Variants in PCNX2 observed in about 807,000 individuals in gnomAD.
The protein encoded by PCNX2 is pecanex 2, also known as pecanex-like protein 2.
PCNX2 carries 168 observed loss-of-function variants against 223.8 expected under a neutral mutation model. That is an observed-to-expected ratio of 0.75 (90% CI 0.66 to 0.85). PCNX2 has a LOEUF of 0.85. Among genes scored for constraint, PCNX2 ranks in the 40% least tolerant of loss-of-function variants. The pLI, the probability that PCNX2 is intolerant of heterozygous loss-of-function variation, is 0.00. For synonymous variants in PCNX2, 1,006 were observed against 1,052.6 expected (o/e 0.96, Z 0.86); for missense variants, 2,507 against 2,675.5 (o/e 0.94, Z 1.39).
chr1:233,119,760 A>G (rs1675658222), intron 21 of PCNX2, among the ~76,000 whole-genome samples: 1 of 152,140 alleles, frequency 6.6e-6, no homozygotes, highest in South Asian at 2.1e-4. Context: ...ATTAGACTTC[A>G]CTAAAATTAA....
chr1:233,263,515 G>A (rs1660171460), intron 1 of PCNX2, among the ~76,000 whole-genome samples: 2 of 149,834 alleles, frequency 1.3e-5, no homozygotes, highest in Admixed American at 1.3e-4. Flanking sequence ...GAGTGCAGTG[G>A]CAAGATCTCG....
chr1:233,198,550 C>T (rs1680870211), intron 15 of PCNX2, among the ~76,000 whole-genome samples: 1 of 152,210 alleles, frequency 6.6e-6, no homozygotes, highest in Non-Finnish European at 1.5e-5. Flanking sequence ...GTCATATCCT[C>T]TTCTGTCCTC....
chr1:233,263,119 T>C lies in PCNX2; in HGVS notation c.198A>G (p.Ala66=). 1.2e-6 allele frequency: 2 copies of C among 1,612,868 alleles called. No individual in the cohort carries two copies. Among genetic ancestry groups the C allele is most frequent in the Non-Finnish European group, 1.7e-6 (2 of 1,179,246 alleles). ...NAIIVFFYCS[A]VTIFFTIIKL... is the part of the protein sequence containing the mutation. ...TGATTATTGTGAAGAATATAGTCACTGCACTGCAGTAGAAAAATACAATGA... is the reference window on the plus strand; with the variant it reads ...TGATTATTGTGAAGAATATAGTCACCGCACTGCAGTAGAAAAATACAATGA... Residue 66 remains alanine, a synonymous_variant, in exon 2 of 34, where the codon GCA becomes GCG. Coordinates refer to ENST00000258229, the MANE Select transcript of PCNX2 (RefSeq NM_014801.4).
At chr1:233,213,972 G>T (rs1367455711) in intron 12 of PCNX2, among the ~76,000 whole-genome samples, 1 of 151,746 alleles carries the variant, frequency 6.6e-6, no homozygotes, top group Non-Finnish European at 1.5e-5. Flanking sequence ...GGGATTACAG[G>T]TGCCTGCCAC....
At chr1:233,032,741 T>A (rs976327786) in intron 25 of PCNX2, among the ~76,000 whole-genome samples, 1 of 152,134 alleles carries the variant, frequency 6.6e-6, no homozygotes, top group African/African-American at 2.4e-5. Context: ...CAGTAGACTA[T>A]GAGGAACACA....
chr1:233,059,228 T>G (rs552494143), intron 23 of PCNX2, among the ~76,000 whole-genome samples: 1 of 152,350 alleles, frequency 6.6e-6, no homozygotes, highest in South Asian at 2.1e-4. Flanking sequence ...TTGAGATTCC[T>G]TTGTCATGTT....
In PCNX2 at chr1:233,222,090, G is replaced by A. The variant is rs140159052; in HGVS notation, c.2505-3906C>T. On this transcript the variant is annotated intron_variant, in intron 10 of 33. Transcript: ENST00000258229. ...GAAAAAAGAATAGAACCAGGCGAGA[G>A]AAAAGGTGAGGGAGTTGGCACTGCA... Among the ~76,000 whole-genome samples, 22 of 152,294 alleles carry A rather than the reference G, an allele frequency of 1.4e-4. No individual in the cohort carries two copies. The East Asian group carries it at 4.3e-3, about 29-fold the overall frequency.
At chr1:233,107,307 G>A (rs942743830) in intron 21 of PCNX2, among the ~76,000 whole-genome samples, 5 of 152,088 alleles carry the variant, frequency 3.3e-5, no homozygotes, top group Non-Finnish European at 7.4e-5. Flanking sequence ...GGAATCACTT[G>A]AGCCCTGGAG....
chr1:233,265,628 G>A (rs768585266), intron 1 of PCNX2, among the ~76,000 whole-genome samples: 1 of 152,170 alleles, frequency 6.6e-6, no homozygotes, highest in South Asian at 2.1e-4. Flanking sequence ...AGCCCATAAC[G>A]GAATAAGTAG....
chr1:233,106,532 T>G (rs955733696), intron 21 of PCNX2, among the ~76,000 whole-genome samples: 9 of 152,016 alleles, frequency 5.9e-5, no homozygotes, highest in Admixed American at 1.3e-4. Flanking sequence ...TTTTGTGTTT[T>G]TAGTAGAGAC....
intron 25 of PCNX2, among the ~76,000 whole-genome samples, chr1:233,044,844 T>G (rs545528692): frequency 6.6e-6 from 1 of 152,168 alleles, no homozygotes; most frequent in African/African-American, 2.4e-5. Context: ...GCTTTTTGTA[T>G]TTTTAGTAGA....
intron 19 of PCNX2, among the ~76,000 whole-genome samples, chr1:233,149,788 G>T (rs1677686096): frequency 6.6e-6 from 1 of 151,922 alleles, no homozygotes; most frequent in Non-Finnish European, 1.5e-5. Context: ...TGAACCCATG[G>T]TCCACCATTT....
chr1:233,283,512 A>G (rs1361304800), intron 1 of PCNX2, among the ~76,000 whole-genome samples: 1 of 152,180 alleles, frequency 6.6e-6, no homozygotes, highest in East Asian at 1.9e-4. Context: ...CGTGCTCACA[A>G]ACTGATGAGG....
At chr1:233,097,433 AG>A (rs768988060) in intron 21 of PCNX2, among the ~76,000 whole-genome samples, 4 of 152,136 alleles carry the variant, frequency 2.6e-5, no homozygotes, top group Admixed American at 6.6e-5. Flanking sequence ...ATTCCAGGAA[AG>A]GAAAAGAGGA....
intron 21 of PCNX2, among the ~76,000 whole-genome samples, chr1:233,112,503 A>C (rs895316187): frequency 6.6e-6 from 1 of 152,192 alleles, no homozygotes; most frequent in Non-Finnish European, 1.5e-5. Flanking sequence ...AGCACACCTT[A>C]CTTCCCTGCT....
intron 19 of PCNX2, among the ~76,000 whole-genome samples, chr1:233,150,419 T>C (rs1217797761): frequency 2.0e-5 from 3 of 152,200 alleles, no homozygotes; most frequent in African/African-American, 4.8e-5. Flanking sequence ...AGGTTCAACA[T>C]CATGGTAAAT....
At chr1:233,167,898 G>GT (rs1558303219) in intron 17 of PCNX2, 1 of 817,128 alleles carries the variant, frequency 1.2e-6, no homozygotes, top group Non-Finnish European at 1.5e-6. Flanking sequence ...ATATATGTAG[G>GT]TTTTTTCAGG....
chr1:233,115,866 G>C (rs1176216835), intron 21 of PCNX2, among the ~76,000 whole-genome samples: 1 of 151,972 alleles, frequency 6.6e-6, no homozygotes, highest in Admixed American at 6.6e-5. Flanking sequence ...GACAAATATT[G>C]GCAGAATGGA....
At chr1:233,155,452 A>G (rs1266272959) in intron 19 of PCNX2, among the ~76,000 whole-genome samples, 2 of 152,188 alleles carry the variant, frequency 1.3e-5, no homozygotes, top group African/African-American at 4.8e-5. Context: ...TAGGAACTCA[A>G]TAATTATTTT....
Sources: gnomAD v4.1 joint callset for allele counts (sites outside exome capture counted in the v4.1 genomes callset) on GRCh38, gnomAD v4.1.1 for gene constraint, MANE v1.5 for transcripts, NCBI Gene and HGNC (gene_info 2026-07-23, HGNC 2026-07-21) for gene names.